ACTL6B: variants seen among roughly 807,000 people sequenced by gnomAD.
The protein encoded by ACTL6B is actin-like protein 6B.
Under a neutral mutation model 63.3 loss-of-function variants are expected in ACTL6B, and 48 were observed. That is an observed-to-expected ratio of 0.76 (90% CI 0.60 to 0.96). ACTL6B has a LOEUF of 0.96. ACTL6B is among the 50% of genes least tolerant of loss of function. ACTL6B has a pLI of 0.00. For missense variants in ACTL6B, 350 were observed against 572.2 expected (o/e 0.61, Z 3.96); for synonymous variants, 230 against 223.8 (o/e 1.03, Z -0.25).
chr7:100,654,697 C>A lies in ACTL6B; in HGVS notation c.369+322G>T, dbSNP rs540551140. On this transcript the variant is annotated intron_variant, in intron 4 of 13. Coordinates refer to ENST00000160382, the MANE Select transcript of ACTL6B (RefSeq NM_016188.5). ...CTCAGGAGGCTGAGGCAGGAGATTCCTTTGATGTCGGGAGGCAGAGGCTGA... is the reference window on the plus strand; with the variant it reads ...CTCAGGAGGCTGAGGCAGGAGATTCATTTGATGTCGGGAGGCAGAGGCTGA... Among the ~76,000 whole-genome samples, 8 of 151,528 alleles carry A rather than the reference C, an allele frequency of 5.3e-5. No individual in the cohort carries two copies. The East Asian group carries it at 1.6e-3, about 30-fold the overall frequency.
chr7:100,643,167 G>C lies in ACTL6B; in HGVS notation c.*79C>G. On this transcript the variant is annotated 3_prime_UTR_variant, in exon 14 of 14. Coordinates refer to ENST00000160382, the MANE Select transcript of ACTL6B (RefSeq NM_016188.5). The stretch of plus-strand genomic sequence containing the variant: ...ACCATTAATGAGGACAAGAGGGAAA[G>C]GAGGAGGGGGGCAATGTGGCATGGG... 7.6e-7 allele frequency: 1 copy of C among 1,313,606 alleles called. No homozygotes were observed. Among genetic ancestry groups the C allele is most frequent in the South Asian group, 1.2e-5 (1 of 84,444 alleles). The allele number at this position is 1,313,606 out of a possible 1,614,324, so 81.4% of individuals were successfully genotyped here. A position where few individuals can be genotyped will look rare whatever the true frequency, so the allele number is the denominator to read the frequency against.
Position 100,646,383 on chromosome 7 carries a change from A to G in ACTL6B, c.1114-48T>C. 6.3e-7 allele frequency: 1 copy of G among 1,599,192 alleles called. No individual in the cohort carries two copies. Among genetic ancestry groups the G allele is most frequent in the Non-Finnish European group, 8.5e-7 (1 of 1,170,128 alleles). On this transcript the variant is annotated intron_variant, in intron 12 of 13. Coordinates refer to ENST00000160382, the MANE Select transcript of ACTL6B (RefSeq NM_016188.5). This position sits in a 1 kb window ranked among gnomAD's most constrained non-coding sequence, Gnocchi z 6.1. ...GGAAGCAGACACCTAGGTTCTGGGAAGGGACAGGGCTTGGGGGAGAGGGGA... is the reference window on the plus strand; with the variant it reads ...GGAAGCAGACACCTAGGTTCTGGGAGGGGACAGGGCTTGGGGGAGAGGGGA...
chr7:100,648,769 G>T lies in ACTL6B; in HGVS notation c.522C>A (p.Thr174=), dbSNP rs770496949. Reference sequence around the variant, plus strand: ...AGCCGTCATGTACTGGAATGGCCGTGGTGTGGGTGGCTCCACTGTCCAGCA... The same window carrying T: ...AGCCGTCATGTACTGGAATGGCCGTTGTGTGGGTGGCTCCACTGTCCAGCA... ...GLVLDSGATH[T]TAIPVHDGYV... The change falls in exon 6 of 14, where the codon ACC becomes ACA. Residue 174 remains threonine, a synonymous_variant. Coordinates refer to ENST00000160382, the MANE Select transcript of ACTL6B (RefSeq NM_016188.5). The surrounding 1 kb of genome is among the most constrained non-coding windows in gnomAD (Gnocchi z 4.4). 6.2e-7 allele frequency: 1 copy of T among 1,614,086 alleles called. No homozygotes were observed. The highest frequency in any genetic ancestry group is 1.1e-5 in the South Asian group (1 of 91,088).
rs565991659 is a variant in ACTL6B at position 100,643,112 on chromosome 7, C to T, written c.*134G>A. 1.2e-5 allele frequency: 12 copies of T among 1,038,148 alleles called. No individual in the cohort carries two copies. The South Asian group carries it at 1.5e-4, about 13-fold the overall frequency. 64.3% of individuals were successfully genotyped at this position (1,038,148 alleles called of 1,614,324 possible). Reference sequence around the variant, plus strand: ...GAGGCCAAACTTTTTTTTCTTAAAACATTTTTACTTCTTTCAACCCAGAAA... The same window carrying T: ...GAGGCCAAACTTTTTTTTCTTAAAATATTTTTACTTCTTTCAACCCAGAAA... On this transcript the variant is annotated 3_prime_UTR_variant, in exon 14 of 14. Coordinates refer to ENST00000160382, the MANE Select transcript of ACTL6B (RefSeq NM_016188.5).
intron 13 of ACTL6B, 107 bp from the exon 14 acceptor site, chr7:100,643,433 T>G (rs2131330908): frequency 1.8e-6 from 2 of 1,116,784 alleles, no homozygotes; most frequent in South Asian, 2.6e-5. Flanking sequence ...ACCCCTTGGG[T>G]TCACATCCCT....
chr7:100,647,611 C>T lies in ACTL6B; in HGVS notation c.670-78G>A, dbSNP rs1013556514. On this transcript the variant is annotated intron_variant, in intron 7 of 13. Transcript: ENST00000160382. The surrounding 1 kb of genome is among the most constrained non-coding windows in gnomAD (Gnocchi z 4.4). ...CCCACCTTCCTGGCACTGTTCCCAG[C>T]TCTGCAGCTACCTGGCGCTGCAGGC... The T allele has an allele frequency of 1.7e-5, 19 of 1,107,910 alleles. No homozygotes were observed. Among genetic ancestry groups the T allele is most frequent in the Non-Finnish European group, 2.4e-5 (18 of 764,212 alleles). 68.6% of individuals were successfully genotyped at this position (1,107,910 alleles called of 1,614,324 possible).
Position 100,646,965 on chromosome 7 carries a change from C to G in ACTL6B, c.936+6G>C. 1.2e-6 allele frequency: 2 copies of G among 1,613,798 alleles called. No individual in the cohort carries two copies. The highest frequency in any genetic ancestry group is 1.7e-6 in the Non-Finnish European group (2 of 1,179,852). ...ACCCACCCCAGTCCTCGCCACACAG[C>G]CAAACCTTGACGTTCGAGGGATCAA... On this transcript the variant is annotated splice_donor_region_variant and intron_variant, in intron 10 of 13. Coordinates refer to ENST00000160382, the MANE Select transcript of ACTL6B (RefSeq NM_016188.5). The surrounding 1 kb of genome is among the most constrained non-coding windows in gnomAD (Gnocchi z 6.1).
chr7:100,654,941 G>T, intron 4 of ACTL6B, 78 bp downstream of exon 4: 1 of 1,225,064 alleles, frequency 8.2e-7, no homozygotes, highest in Non-Finnish European at 1.2e-6. Flanking sequence ...GGCTTGAGGG[G>T]AGAGGAGGAG....
Position 100,655,875 on chromosome 7 carries a change from C to T in ACTL6B, c.30G>A (p.Glu10=). ...CAATGTCAAAGACCAGCGCCCCCAC[C>T]TCATCTGTGCGGGGAGACAGGCCTG... MSGGVYGGD[E]VGALVFDIGS... Residue 10 remains glutamate, a synonymous_variant, in exon 2 of 14, where the codon GAG becomes GAA. Transcript: ENST00000160382. The surrounding 1 kb of genome is among the most constrained non-coding windows in gnomAD (Gnocchi z 4.4). 1 of 1,568,690 alleles carries T rather than the reference C, an allele frequency of 6.4e-7. No homozygotes were observed.
At position 100,655,028 on chromosome 7, in the gene ACTL6B, G is replaced by T; in HGVS notation, c.360C>A (p.Ser120=). The T allele has an allele frequency of 6.2e-7, 1 of 1,613,768 alleles. No individual in the cohort carries two copies. The highest frequency in any genetic ancestry group is 1.1e-5 in the South Asian group (1 of 91,036). ...SEPNLHPVLM[S]EAPWNTRAKR... ...TGGAGGAGGCACTCACCGGAGCCTC[G>T]GACATGAGCACTGGGTGCAGGTTTG... Residue 120 remains serine (S), a synonymous_variant, in exon 4 of 14, where the codon TCC becomes TCA. Transcript: ENST00000160382. The surrounding 1 kb of genome is among the most constrained non-coding windows in gnomAD (Gnocchi z 4.4).
In ACTL6B at chr7:100,646,867, C is replaced by A; in HGVS notation, c.937-36G>T. 6.2e-7 allele frequency: 1 copy of A among 1,602,130 alleles called. No homozygotes were observed. Among genetic ancestry groups the A allele is most frequent in the Non-Finnish European group, 8.5e-7 (1 of 1,173,654 alleles). On this transcript the variant is annotated intron_variant, in intron 10 of 13. Coordinates refer to ENST00000160382, the MANE Select transcript of ACTL6B (RefSeq NM_016188.5). This position sits in a 1 kb window ranked among gnomAD's most constrained non-coding sequence, Gnocchi z 6.1. ...AGGTGACTGGGGCTGTGGGCTCTCT[C>A]CCCCTTCCCCCCAGACCCCTGCAAT...
chr7:100,650,059 CA>C lies in ACTL6B; in HGVS notation c.445del (p.Cys149AlafsTer71), dbSNP rs1264977781. The part of the protein sequence containing the change: ...EQYNIPAFFL[C>X]KTAVLTAFAN... ...ATACGCGGTGAGCACAGCCGTCTTG[CA>C]TAAGAAGAAGGCAGGAATGTTGTAC... On this transcript the variant is annotated frameshift_variant, in exon 5 of 14. Transcript: ENST00000160382. LOFTEE classifies it high-confidence loss of function. 2.5e-6 allele frequency: 4 copies of C among 1,613,778 alleles called. No homozygotes were observed. The African/African-American group carries it at 5.3e-5, about 22-fold the overall frequency.
chr7:100,644,191 C>T (rs369542161), intron 13 of ACTL6B, among the ~76,000 whole-genome samples: 3 of 152,274 alleles, frequency 2.0e-5, no homozygotes, highest in South Asian at 2.1e-4. Flanking sequence ...TGAGCCACCG[C>T]GCCCAGCCTA....
chr7:100,652,704 A>G (rs1246776493), intron 4 of ACTL6B, among the ~76,000 whole-genome samples: 1 of 152,006 alleles, frequency 6.6e-6, no homozygotes, highest in African/African-American at 2.4e-5. Flanking sequence ...AAACCAGACC[A>G]AATATAATCA....
Position 100,647,607 on chromosome 7 carries a change from C to G in ACTL6B, c.670-74G>C. 3.4e-6 allele frequency: 4 copies of G among 1,163,522 alleles called. No homozygotes were observed. The highest frequency in any genetic ancestry group is 4.9e-6 in the Non-Finnish European group (4 of 813,606). 72.1% of individuals were successfully genotyped at this position (1,163,522 alleles called of 1,614,324 possible). On this transcript the variant is annotated intron_variant, in intron 7 of 13. Transcript: ENST00000160382. This position sits in a 1 kb window ranked among gnomAD's most constrained non-coding sequence, Gnocchi z 4.4. ...CACCCCCACCTTCCTGGCACTGTTC[C>G]CAGCTCTGCAGCTACCTGGCGCTGC...
chr7:100,652,981 CAG>C (rs1165021330), intron 4 of ACTL6B, among the ~76,000 whole-genome samples: 2 of 97,956 alleles, frequency 2.0e-5, no homozygotes, highest in African/African-American at 8.2e-5. Flanking sequence ...AGCCTGGTGA[CAG>C]AGCAAAACTC....
intron 4 of ACTL6B, among the ~76,000 whole-genome samples, chr7:100,650,345 AACAC>A (rs1399660519): frequency 1.3e-5 from 2 of 150,640 alleles, no homozygotes; most frequent in Admixed American, 6.6e-5. Flanking sequence ...CATACACTCA[AACAC>A]ACACACATAC....
chr7:100,652,825 A>T (rs1803965617), intron 4 of ACTL6B, among the ~76,000 whole-genome samples: 1 of 150,312 alleles, frequency 6.7e-6, no homozygotes, highest in South Asian at 2.1e-4. Context: ...ACATGGTGAA[A>T]CCCCGTCTCT....
intron 13 of ACTL6B, among the ~76,000 whole-genome samples, chr7:100,644,653 C>T (rs1266203188): frequency 1.3e-5 from 2 of 152,054 alleles, no homozygotes. Context: ...CGCTTTGTTG[C>T]CCAGGCTGGT....
Sources: allele counts gnomAD v4.1 joint callset (sites outside exome capture counted in the v4.1 genomes callset), GRCh38; gene constraint gnomAD v4.1.1; non-coding constraint Gnocchi (gnomAD v3.1); transcripts MANE v1.5; gene names NCBI Gene and HGNC (gene_info 2026-07-23, HGNC 2026-07-21).